The following MAPRE2 variants were observed in gnomAD, a reference collection of about 807,000 sequenced individuals.
MAPRE2 encodes microtubule-associated protein RP/EB family member 2.
MAPRE2 carries 13 observed loss-of-function variants against 43.2 expected under a neutral mutation model. That is an observed-to-expected ratio of 0.30 (90% CI 0.20 to 0.48). The LOEUF is 0.48. MAPRE2 is among the 20% of genes least tolerant of loss of function. The probability of loss-of-function intolerance (pLI) is 0.99; values close to 1 mark genes in which losing one functional copy is unlikely to be tolerated. For synonymous variants in MAPRE2, 135 were observed against 148.8 expected, an observed-to-expected ratio of 0.91 and a Z score of 0.68; for missense variants, 161 against 400.2, an observed-to-expected ratio of 0.40 and a Z score of 5.10.
In MAPRE2 at chr18:34,997,956, A is replaced by G. The variant is rs147084353; in HGVS notation, c.-69-7536A>G. ...CCTTTAAGAAATATTTTCAAGTTGT[A>G]TATGTTACCTGGATTTATTTCCATT... On this transcript the variant is annotated intron_variant, in intron 1 of 7. Transcript: ENST00000413393. Among the ~76,000 whole-genome samples, 66 of 152,354 alleles carry G rather than the reference A, an allele frequency of 4.3e-4. No homozygotes were observed. The East Asian group carries it at 0.011, about 26-fold the overall frequency.
At chr18:35,037,164 C>CT (rs35771500), upstream of MAPRE2, among the ~76,000 whole-genome samples, 73,443 of 146,746 alleles carry the variant, frequency 0.5, 18,489 homozygotes, top group East Asian at 0.61. Flanking sequence ...AAGCCTGAGG[C>CT]TTTTTTTTTT....
chr18:35,060,163 A>G (rs1019549145), intron 1 of MAPRE2, among the ~76,000 whole-genome samples: 38 of 152,226 alleles, frequency 2.5e-4, no homozygotes, highest in African/African-American at 8.9e-4. Flanking sequence ...CAGCGTGGGC[A>G]TGACTGGAAA....
chr18:35,009,181 A>C (rs1453634140), intron 2 of MAPRE2, among the ~76,000 whole-genome samples: 1 of 152,128 alleles, frequency 6.6e-6, no homozygotes, highest in Non-Finnish European at 1.5e-5. Context: ...GTTACAGTAT[A>C]ATGGGAGTTT....
intron 2 of MAPRE2, among the ~76,000 whole-genome samples, chr18:35,072,805 G>T (rs1347163653): frequency 6.6e-6 from 1 of 152,064 alleles, no homozygotes; most frequent in Non-Finnish European, 1.5e-5. Context: ...AAGCAATTTT[G>T]ATCACTATCA....
At chr18:35,064,092 T>C (rs1906710109) in intron 1 of MAPRE2, among the ~76,000 whole-genome samples, 1 of 142,480 alleles carries the variant, frequency 7.0e-6, no homozygotes, top group Admixed American at 7.3e-5. Flanking sequence ...GCTGATACAG[T>C]AGGATTGCTT....
At chr18:35,130,965 TC>T (rs1910118176) in intron 5 of MAPRE2, among the ~76,000 whole-genome samples, 1 of 152,080 alleles carries the variant, frequency 6.6e-6, no homozygotes, top group African/African-American at 2.4e-5. Flanking sequence ...CCCTGGAAAC[TC>T]TGAACCAGGA....
intron 1 of MAPRE2, among the ~76,000 whole-genome samples, chr18:35,042,184 C>T (rs918957512): frequency 1.3e-4 from 20 of 152,150 alleles, no homozygotes; most frequent in Non-Finnish European, 2.4e-4. Context: ...CTGATTGGTG[C>T]AGGGATTGAC....
rs59161244 is a variant in MAPRE2 at position 35,125,818 on chromosome 18, A to G, written c.611-1130A>G. On this transcript the variant is annotated intron_variant, in intron 4 of 6. Coordinates refer to ENST00000300249, the MANE Select transcript of MAPRE2 (RefSeq NM_014268.4). ...ATAGGCGAGGTCTTACCTGAAACCA[A>G]TGGTTTTTCTTTTTTCCACTTCACA... 4.3e-3 allele frequency among the ~76,000 whole-genome samples: 655 copies of G among 152,268 alleles called. 7 individuals are homozygous for G. The highest frequency in any genetic ancestry group is 0.014 in the African/African-American group (578 of 41,538).
chr18:35,019,471 A>G (rs1294070550), intron 2 of MAPRE2, among the ~76,000 whole-genome samples: 3 of 152,004 alleles, frequency 2.0e-5, no homozygotes, highest in East Asian at 3.8e-4. Context: ...TTCTGCCTCA[A>G]TGATCTATCT....
chr18:35,018,121 G>A (rs2097039602), intron 2 of MAPRE2, among the ~76,000 whole-genome samples: 1 of 152,000 alleles, frequency 6.6e-6, no homozygotes, highest in Non-Finnish European at 1.5e-5. Flanking sequence ...TTATTGACTT[G>A]CATATGTTGA....
intron 2 of MAPRE2, among the ~76,000 whole-genome samples, chr18:35,033,560 A>G (rs1308783562): frequency 1.3e-4 from 20 of 151,848 alleles, no homozygotes; most frequent in Admixed American, 1.3e-3. Flanking sequence ...TTAGGAAAAG[A>G]GGAAGTCAAA....
chr18:35,142,446 C>T lies in MAPRE2; in HGVS notation c.*2077C>T, dbSNP rs917890862. On this transcript the variant is annotated 3_prime_UTR_variant, in exon 7 of 7. Transcript: ENST00000300249. ...CAGGATCCTGCCTTCTCCAGCAACCCCTTACTGCTGTATAACTTGCATAAG... is the reference window on the plus strand; with the variant it reads ...CAGGATCCTGCCTTCTCCAGCAACCTCTTACTGCTGTATAACTTGCATAAG... 1.3e-5 allele frequency: 2 copies of T among 152,194 alleles called. No homozygotes were observed. The highest frequency in any genetic ancestry group is 2.9e-5 in the Non-Finnish European group (2 of 68,072). 9.4% of individuals were successfully genotyped at this position (152,194 alleles called of 1,614,324 possible).
intron 1 of MAPRE2, among the ~76,000 whole-genome samples, chr18:35,000,956 C>T (rs539099045): frequency 1.3e-5 from 2 of 152,256 alleles, no homozygotes; most frequent in South Asian, 4.2e-4. Flanking sequence ...CCACTCCATA[C>T]ACGTACCTGT....
intron 4 of MAPRE2, 113 bp downstream of exon 4, chr18:35,102,272 T>C: frequency 1.4e-6 from 1 of 720,710 alleles, no homozygotes; most frequent in East Asian, 3.1e-5. Context: ...AATATTTTAA[T>C]GCCTTCGGAT....
At chr18:35,009,937 T>C (rs2097033632) in intron 2 of MAPRE2, among the ~76,000 whole-genome samples, 1 of 152,198 alleles carries the variant, frequency 6.6e-6, no homozygotes, top group African/African-American at 2.4e-5. Flanking sequence ...TCTTGTTCTA[T>C]GGTCACTGCT....
intron 1 of MAPRE2, among the ~76,000 whole-genome samples, chr18:34,999,497 T>C (rs1407449076): frequency 6.6e-6 from 1 of 152,234 alleles, no homozygotes; most frequent in African/African-American, 2.4e-5. Context: ...GCTACATTTG[T>C]ACGAAAAGAA....
intron 1 of MAPRE2, among the ~76,000 whole-genome samples, chr18:35,064,328 T>C (rs1012536005): frequency 3.3e-5 from 5 of 151,940 alleles, no homozygotes; most frequent in African/African-American, 1.2e-4. Flanking sequence ...AAAATATACA[T>C]ATATGTATAT....
At chr18:34,995,475 A>G (rs190899479) in intron 1 of MAPRE2, among the ~76,000 whole-genome samples, 1 of 152,344 alleles carries the variant, frequency 6.6e-6, no homozygotes, top group Non-Finnish European at 1.5e-5. Flanking sequence ...AGAGGAAAAA[A>G]TAACAAATTT....
chr18:35,080,228 A>G (rs497343), intron 2 of MAPRE2, among the ~76,000 whole-genome samples: 51,538 of 152,102 alleles, frequency 0.34, 12,188 homozygotes, highest in African/African-American at 0.66. Context: ...TTGATATTCT[A>G]CACATTGCTT....
Sources: allele counts gnomAD v4.1 joint callset (sites outside exome capture counted in the v4.1 genomes callset), GRCh38; gene constraint gnomAD v4.1.1; transcripts MANE v1.5; gene names NCBI Gene and HGNC (gene_info 2026-07-23, HGNC 2026-07-21).